The following RBL1 variants were observed in gnomAD, a reference collection of about 807,000 sequenced individuals.
RBL1 encodes RB transcriptional corepressor like 1, also known as retinoblastoma-like protein 1.
In RBL1, 82 loss-of-function variants were observed where a neutral mutation model predicts 123.0. The ratio of observed to expected loss-of-function variants is 0.67; its 90% CI spans 0.56 to 0.80. The LOEUF is 0.80. Among genes scored for constraint, RBL1 ranks in the 30% least tolerant of loss-of-function variants. The pLI is 0.00. For missense variants in RBL1, 1,171 were observed against 1,299.6 expected, an observed-to-expected ratio of 0.90 and a Z score of 1.52; for synonymous variants, 405 against 441.3, an observed-to-expected ratio of 0.92 and a Z score of 1.03.
chr20:37,004,172 G>A (rs1296512288), intron 20 of RBL1, among the ~76,000 whole-genome samples: 1 of 151,426 alleles, frequency 6.6e-6, no homozygotes, highest in African/African-American at 2.4e-5. Context: ...CCAGGTTCAA[G>A]CAATTCTCCT....
intron 11 of RBL1, among the ~76,000 whole-genome samples, chr20:37,052,787 G>A (rs2064939958): frequency 6.6e-6 from 1 of 152,154 alleles, no homozygotes; most frequent in Non-Finnish European, 1.5e-5. Flanking sequence ...TAGGATTAGA[G>A]ATGTGAGCTA....
At chr20:37,012,738 T>TG (rs1221261401) in intron 19 of RBL1, among the ~76,000 whole-genome samples, 4 of 131,380 alleles carry the variant, frequency 3.0e-5, no homozygotes, top group Middle Eastern at 5.2e-3. Flanking sequence ...GGGAGGGAGG[T>TG]GGGGGGGTCA....
At chr20:37,036,943 A>T (rs780155858) in intron 14 of RBL1, among the ~76,000 whole-genome samples, 4 of 152,066 alleles carry the variant, frequency 2.6e-5, no homozygotes. Flanking sequence ...TATTTTCAAA[A>T]CATGTTCAAA....
chr20:37,056,351 C>CATT, intron 9 of RBL1, 93 bp from the exon 10 acceptor site: 1 of 971,336 alleles, frequency 1.0e-6, no homozygotes, highest in Non-Finnish European at 1.3e-6. Flanking sequence ...CCTTCTTCTT[C>CATT]TTTTTTTTTT....
At chr20:37,066,653 A>T in intron 6 of RBL1, 71 bp downstream of exon 6, 3 of 1,444,496 alleles carry the variant, frequency 2.1e-6, no homozygotes, top group Non-Finnish European at 2.8e-6. Flanking sequence ...GAACTTGCTT[A>T]AAACATTTTT....
intron 11 of RBL1, among the ~76,000 whole-genome samples, chr20:37,054,028 TAC>T (rs55898438): frequency 0.16 from 23,699 of 146,752 alleles, 2,341 homozygotes; most frequent in East Asian, 0.41. Flanking sequence ...TACAATTTTA[TAC>T]ACACACACAC....
At chr20:37,059,379 T>A (rs1945931721) in intron 9 of RBL1, among the ~76,000 whole-genome samples, 1 of 152,204 alleles carries the variant, frequency 6.6e-6, no homozygotes, top group African/African-American at 2.4e-5. Flanking sequence ...AGTTAAATAT[T>A]CCTATTCTAG....
chr20:37,047,966 C>T (rs772203705), intron 11 of RBL1, among the ~76,000 whole-genome samples: 2 of 151,866 alleles, frequency 1.3e-5, no homozygotes, highest in African/African-American at 4.8e-5. Flanking sequence ...GGCGACACAG[C>T]GAGACTCAGT....
At chr20:37,010,758 C>CTG (rs141238437) in intron 19 of RBL1, among the ~76,000 whole-genome samples, 54 of 143,550 alleles carry the variant, frequency 3.8e-4, no homozygotes, top group African/African-American at 1.3e-3. Flanking sequence ...TGGCACATGA[C>CTG]TATGTGTGTG....
chr20:37,079,647 A>AT (rs1449005220), intron 2 of RBL1, among the ~76,000 whole-genome samples: 1 of 151,576 alleles, frequency 6.6e-6, no homozygotes, highest in Non-Finnish European at 1.5e-5. Context: ...TCTTTGTAAA[A>AT]TTTTTTTGTA....
At chr20:37,078,930 TAACTGTCATGGGTTCC>T (rs763648376) in intron 2 of RBL1, among the ~76,000 whole-genome samples, 11 of 152,028 alleles carry the variant, frequency 7.2e-5, no homozygotes, top group Non-Finnish European at 1.0e-4. Context: ...ACTGAAGATG[TAACTGTCATGGGTTCC>T]TAGCACTTTA....
At chr20:37,079,026 A>G (rs1375626459) in intron 2 of RBL1, among the ~76,000 whole-genome samples, 1 of 151,880 alleles carries the variant, frequency 6.6e-6, no homozygotes, top group Non-Finnish European at 1.5e-5. Flanking sequence ...GGCAAACCCC[A>G]TCTCTATAAA....
rs1039533777 is a variant in RBL1 at position 36,998,471 on chromosome 20, G to C, written c.*288C>G. 22 of 236,776 alleles carry C rather than the reference G, an allele frequency of 9.3e-5. No homozygotes were observed. Among genetic ancestry groups the C allele is most frequent in the African/African-American group, 4.7e-4 (20 of 42,968 alleles). The allele number at this position is 236,776 out of a possible 1,614,324, so 14.7% of individuals were successfully genotyped here. ...ACTCCTGACCTCCGGTGATCTGCCC[G>C]CCTTGGCCTCCCAAAGTCCTGGGAT... is the stretch of plus-strand genomic sequence containing the variant. On this transcript the variant is annotated 3_prime_UTR_variant, in exon 22 of 22. Coordinates refer to ENST00000373664, the MANE Select transcript of RBL1 (RefSeq NM_002895.5).
intron 19 of RBL1, among the ~76,000 whole-genome samples, chr20:37,016,353 G>A (rs913519314): frequency 3.3e-5 from 5 of 151,856 alleles, no homozygotes; most frequent in African/African-American, 4.8e-5. Flanking sequence ...TATACTCCTC[G>A]TTGCCTTGAA....
intron 2 of RBL1, among the ~76,000 whole-genome samples, chr20:37,078,200 G>A (rs976140496): frequency 1.3e-5 from 2 of 152,074 alleles, no homozygotes; most frequent in African/African-American, 2.4e-5. Flanking sequence ...TGATAACTTT[G>A]TACTTGATTT....
At chr20:37,094,263 T>C (rs988216872) in intron 1 of RBL1, among the ~76,000 whole-genome samples, 4 of 152,226 alleles carry the variant, frequency 2.6e-5, no homozygotes, top group Non-Finnish European at 5.9e-5. Flanking sequence ...AAATGCTTTC[T>C]CAGGCTTTCA....
chr20:37,057,980 C>T (rs2065034928), intron 9 of RBL1, among the ~76,000 whole-genome samples: 3 of 151,890 alleles, frequency 2.0e-5, no homozygotes, highest in Non-Finnish European at 2.9e-5. Context: ...AAAAAATTAG[C>T]CGGGCGTGGT....
Position 37,034,189 on chromosome 20 carries a change from G to T in RBL1, c.2170+1053C>A, listed in dbSNP as rs546513503. ...TGGGCTAAAGTGATCCTCTTGCCTT[G>T]GTCTCCCAAAGTGCTGGGATTACAG... is the stretch of plus-strand genomic sequence containing the variant. On this transcript the variant is annotated intron_variant, in intron 15 of 21. Transcript: ENST00000373664. 2.0e-5 allele frequency among the ~76,000 whole-genome samples: 3 copies of T among 150,714 alleles called. 1 individual carries two copies. The highest frequency in any genetic ancestry group is 2.1e-4 in the South Asian group (1 of 4,740).
chr20:37,050,544 CAAAAAAAA>C (rs148834732), intron 11 of RBL1, among the ~76,000 whole-genome samples: 1 of 10,944 alleles, frequency 9.1e-5, no homozygotes, highest in African/African-American at 3.7e-4. Flanking sequence ...GACTCTGTCT[CAAAAAAAA>C]AAAAAAAAAA....
Sources: gnomAD v4.1 joint callset for allele counts (sites outside exome capture counted in the v4.1 genomes callset) on GRCh38, gnomAD v4.1.1 for gene constraint, MANE v1.5 for transcripts, NCBI Gene and HGNC (gene_info 2026-07-23, HGNC 2026-07-21) for gene names.